Variants in SLC30A4 observed in about 807,000 individuals in gnomAD.
The protein encoded by SLC30A4 is probable proton-coupled zinc antiporter SLC30A4.
A neutral mutation model predicts 41.7 loss-of-function variants in SLC30A4; 20 were observed. The ratio of observed to expected loss-of-function variants is 0.48; its 90% CI spans 0.34 to 0.70. The LOEUF (loss-of-function observed/expected upper bound fraction) is 0.70, where lower values mean the gene tolerates loss of function less well. Ranked by LOEUF, SLC30A4 falls within the 30% of genes least tolerant of loss-of-function variation. The probability of loss-of-function intolerance (pLI) is 0.01; values close to 1 mark genes in which losing one functional copy is unlikely to be tolerated. For missense variants in SLC30A4, 441 were observed against 529.3 expected (o/e 0.83, Z 1.64); for synonymous variants, 181 against 195.9 (o/e 0.92, Z 0.64).
intron 2 of SLC30A4, chr15:45,512,275 C>A (rs1337384821): frequency 6.6e-6 from 1 of 152,222 alleles, no homozygotes; most frequent in African/African-American, 2.4e-5. Flanking sequence ...TGTTAAACTA[C>A]AAACTGCTTA....
intron 3 of SLC30A4, among the ~76,000 whole-genome samples, chr15:45,494,987 T>C (rs1169438722): frequency 3.3e-5 from 5 of 151,980 alleles, no homozygotes; most frequent in Admixed American, 2.0e-4. Flanking sequence ...AGTGAGACCC[T>C]GTCTCTCCCC....
chr15:45,479,780 G>A lies in SLC30A4; in HGVS notation c.*5383C>T, dbSNP rs931267242. ...ACATTTTTATTTAATAAACCACATG[G>A]CAAAACAATACTTTAATAAGTGTAT... On this transcript the variant is annotated 3_prime_UTR_variant, in exon 8 of 8. Transcript: ENST00000261867. The A allele has an allele frequency of 6.6e-6, 1 of 150,916 alleles. No individual in the cohort carries two copies. Among genetic ancestry groups the A allele is most frequent in the Non-Finnish European group, 1.5e-5 (1 of 67,778 alleles). The allele number at this position is 150,916 out of a possible 1,614,324, so 9.3% of individuals were successfully genotyped here. A position where few individuals can be genotyped will look rare whatever the true frequency, so the allele number is the denominator to read the frequency against.
At chr15:45,495,114 C>A (rs1891885310) in intron 3 of SLC30A4, among the ~76,000 whole-genome samples, 1 of 151,642 alleles carries the variant, frequency 6.6e-6, no homozygotes, top group Admixed American at 6.6e-5. Flanking sequence ...CCACTACACT[C>A]CAGCCAGGGT....
Position 45,480,710 on chromosome 15 carries a change from ATTAAG to A in SLC30A4, c.*4448_*4452del, listed in dbSNP as rs1891589961. ...GGCTCATATTCTGTAAGAACACCAT[ATTAAG>A]TTGAGCCAATTAACATATATGCATA... On this transcript the variant is annotated 3_prime_UTR_variant, in exon 8 of 8. Coordinates refer to ENST00000261867, the MANE Select transcript of SLC30A4 (RefSeq NM_013309.6). The A allele has an allele frequency of 6.6e-6, 1 of 152,268 alleles. No individual in the cohort carries two copies. Among genetic ancestry groups the A allele is most frequent in the Admixed American group, 6.5e-5 (1 of 15,290 alleles). 9.4% of individuals were successfully genotyped at this position (152,268 alleles called of 1,614,324 possible).
At chr15:45,500,471 A>C (rs1891996453) in intron 3 of SLC30A4, among the ~76,000 whole-genome samples, 2 of 152,144 alleles carry the variant, frequency 1.3e-5, no homozygotes, top group African/African-American at 2.4e-5. Flanking sequence ...GGTAAGAACT[A>C]AAGCAAACAA....
At chr15:45,496,622 A>G (rs563761669) in intron 3 of SLC30A4, among the ~76,000 whole-genome samples, 1 of 152,138 alleles carries the variant, frequency 6.6e-6, no homozygotes, top group African/African-American at 2.4e-5. Context: ...TCCTTGCCTC[A>G]AGCAGTCCTC....
Position 45,522,425 on chromosome 15 carries a change from G to T in SLC30A4, c.-71C>A, listed in dbSNP as rs867211415. On this transcript the variant is annotated 5_prime_UTR_variant, in exon 2 of 8. Transcript: ENST00000261867. ...GACGGCCGGCGGCGCCTACTTCACC[G>T]GAGCGCCAGTTCTCGAGGGCAGTGC... 4.1e-6 allele frequency: 6 copies of T among 1,446,296 alleles called. No individual in the cohort carries two copies. The highest frequency in any genetic ancestry group is 1.4e-5 in the African/African-American group (1 of 70,608). 89.6% of individuals were successfully genotyped at this position (1,446,296 alleles called of 1,614,324 possible). A position where few individuals can be genotyped will look rare whatever the true frequency, so the allele number is the denominator to read the frequency against.
chr15:45,504,549 C>T (rs1172510198), intron 3 of SLC30A4, among the ~76,000 whole-genome samples: 1 of 152,116 alleles, frequency 6.6e-6, no homozygotes, highest in East Asian at 1.9e-4. Context: ...AAAATTTAAC[C>T]AAAAAATTTT....
At chr15:45,518,198 AACTCCT>A (rs1370586522) in intron 2 of SLC30A4, among the ~76,000 whole-genome samples, 1 of 152,046 alleles carries the variant, frequency 6.6e-6, no homozygotes, top group Non-Finnish European at 1.5e-5. Flanking sequence ...CTGTTTGGGT[AACTCCT>A]ACTATTCTTT....
At chr15:45,508,322 T>C (rs1324903711) in intron 3 of SLC30A4, among the ~76,000 whole-genome samples, 1 of 152,224 alleles carries the variant, frequency 6.6e-6, no homozygotes, top group African/African-American at 2.4e-5. Flanking sequence ...AGAAGAACTA[T>C]GTGGTGTTTT....
At chr15:45,490,566 T>C (rs967376235) in intron 4 of SLC30A4, among the ~76,000 whole-genome samples, 162 bp downstream of exon 4, 5 of 152,222 alleles carry the variant, frequency 3.3e-5, no homozygotes, top group African/African-American at 1.2e-4. Flanking sequence ...GGCAAACTAA[T>C]GAGGAATTTA....
At chr15:45,518,895 T>C (rs1182704840) in intron 2 of SLC30A4, among the ~76,000 whole-genome samples, 6 of 152,048 alleles carry the variant, frequency 3.9e-5, no homozygotes, top group East Asian at 1.9e-4. Flanking sequence ...ACTTCCTACA[T>C]AAGATACTTC....
intron 6 of SLC30A4, among the ~76,000 whole-genome samples, chr15:45,486,960 C>A: frequency 6.6e-6 from 1 of 150,720 alleles, no homozygotes; most frequent in Non-Finnish European, 1.5e-5. Flanking sequence ...ACTTTAAAAA[C>A]ATATTCATTC....
chr15:45,491,159 C>CTA (rs1313686017), intron 3 of SLC30A4, among the ~76,000 whole-genome samples: 1 of 151,988 alleles, frequency 6.6e-6, no homozygotes, highest in Non-Finnish European at 1.5e-5. Context: ...GTAGCTGGTA[C>CTA]TATAGGCACA....
At chr15:45,503,074 C>T (rs1286195525) in intron 3 of SLC30A4, 2 of 151,478 alleles carry the variant, frequency 1.3e-5, no homozygotes, top group Non-Finnish European at 2.9e-5. Context: ...TGTCTATTAT[C>T]AGTTTCTATA....
rs8028586 is a variant in SLC30A4, at chr15:45,508,180, G to A, written c.538+2958C>T. Among the ~76,000 whole-genome samples the A allele has an allele frequency of 4.4e-3, 674 of 152,162 alleles. 4 individuals carry two copies. The highest frequency in any genetic ancestry group is 0.016 in the African/African-American group (658 of 41,504). On this transcript the variant is annotated intron_variant, in intron 3 of 7. Coordinates refer to ENST00000261867, the MANE Select transcript of SLC30A4 (RefSeq NM_013309.6). ...GGCAGAGGATAACTATATTCCTTTAGGATGAGTAGGTGGAGAATCAGGATA... is the reference window on the plus strand; with the variant it reads ...GGCAGAGGATAACTATATTCCTTTAAGATGAGTAGGTGGAGAATCAGGATA...
intron 3 of SLC30A4, among the ~76,000 whole-genome samples, chr15:45,497,652 A>G (rs2140826096): frequency 6.6e-6 from 1 of 152,314 alleles, no homozygotes. Flanking sequence ...GAAAACATAG[A>G]TGATTATCAA....
intron 2 of SLC30A4, among the ~76,000 whole-genome samples, chr15:45,519,067 G>A (rs181274993): frequency 1.6e-4 from 25 of 152,060 alleles, no homozygotes; most frequent in African/African-American, 5.3e-4. Flanking sequence ...TTTTAGTAGA[G>A]ATGGGGTTTC....
intron 7 of SLC30A4, among the ~76,000 whole-genome samples, chr15:45,486,286 G>A (rs1891705357): frequency 6.6e-6 from 1 of 152,178 alleles, no homozygotes; most frequent in South Asian, 2.1e-4. Context: ...GCCTTCCAAA[G>A]TGCTAGGATT....
Sources: gnomAD v4.1 joint callset for allele counts (sites outside exome capture counted in the v4.1 genomes callset) on GRCh38, gnomAD v4.1.1 for gene constraint, MANE v1.5 for transcripts, NCBI Gene and HGNC (gene_info 2026-07-23, HGNC 2026-07-21) for gene names.